CNTNAP5: variants seen among roughly 807,000 people sequenced by gnomAD.
CNTNAP5 encodes contactin associated protein family member 5, also known as contactin-associated protein-like 5.
In CNTNAP5, 72 loss-of-function variants were observed where a neutral mutation model predicts 150.2. That is an observed-to-expected ratio of 0.48 (90% confidence interval 0.40 to 0.58). The LOEUF (loss-of-function observed/expected upper bound fraction) is 0.58, where lower values mean the gene tolerates loss of function less well. Among genes scored for constraint, CNTNAP5 ranks in the 20% least tolerant of loss-of-function variants. CNTNAP5 has a pLI of 0.00. For synonymous variants in CNTNAP5, 672 were observed against 619.8 expected, an observed-to-expected ratio of 1.08 and a Z score of -1.25; for missense variants, 1,636 against 1,626.2, an observed-to-expected ratio of 1.01 and a Z score of -0.10.
chr2:124,792,003 G>C, intron 18 of CNTNAP5, among the ~76,000 whole-genome samples: 1 of 152,036 alleles, frequency 6.6e-6, no homozygotes, highest in Non-Finnish European at 1.5e-5. Flanking sequence ...ACTGCCTCTG[G>C]GGAATGTGGC....
chr2:124,769,906 C>T (rs757949920), intron 16 of CNTNAP5, among the ~76,000 whole-genome samples: 5 of 152,062 alleles, frequency 3.3e-5, no homozygotes, highest in Admixed American at 6.6e-5. Flanking sequence ...TGTAGCAAGT[C>T]TTAGTGAGTC....
chr2:124,266,423 C>CT (rs1414689773), intron 3 of CNTNAP5, among the ~76,000 whole-genome samples: 1 of 152,108 alleles, frequency 6.6e-6, no homozygotes, highest in African/African-American at 2.4e-5. Context: ...CGATTTGACT[C>CT]TACTTGTCTC....
intron 11 of CNTNAP5, among the ~76,000 whole-genome samples, chr2:124,565,897 C>T (rs1300718172): frequency 2.0e-5 from 3 of 151,746 alleles, no homozygotes; most frequent in African/African-American, 7.3e-5. Context: ...CCACGCCCGG[C>T]CTTTACCTAG....
intron 19 of CNTNAP5, among the ~76,000 whole-genome samples, chr2:124,805,539 T>A (rs1682063977): frequency 6.6e-6 from 1 of 151,994 alleles, no homozygotes. Flanking sequence ...ATAGAGACAA[T>A]AGCAGCTTCT....
At chr2:124,064,635 T>C (rs938573696) in intron 1 of CNTNAP5, among the ~76,000 whole-genome samples, 4 of 152,166 alleles carry the variant, frequency 2.6e-5, no homozygotes, top group African/African-American at 9.6e-5. Flanking sequence ...CTCATTGCTT[T>C]TTGATAAAGT....
In CNTNAP5 at chr2:124,815,080, C is replaced by A. The variant is rs1165055308; in HGVS notation, c.3217+16760C>A. On this transcript the variant is annotated intron_variant, in intron 19 of 23. Transcript: ENST00000682447. Reference sequence around the variant, plus strand: ...TCAAAGAAACAGCACACTTAATTCCCCTCTGACGTTCCTGATTTCCAGCTC... The same window carrying A: ...TCAAAGAAACAGCACACTTAATTCCACTCTGACGTTCCTGATTTCCAGCTC... Among the ~76,000 whole-genome samples, 4 of 152,254 alleles carry A rather than the reference C, an allele frequency of 2.6e-5. No homozygotes were observed. In the East Asian group the frequency reaches 7.7e-4, roughly 29 times the overall value.
chr2:124,901,377 T>C (rs1168700979), intron 21 of CNTNAP5, among the ~76,000 whole-genome samples: 1 of 147,766 alleles, frequency 6.8e-6, no homozygotes, highest in East Asian at 1.9e-4. Context: ...GAATTCAGTG[T>C]AATCAAAAAG....
intron 12 of CNTNAP5, among the ~76,000 whole-genome samples, chr2:124,638,887 T>A (rs1678028720): frequency 6.6e-6 from 1 of 152,236 alleles, no homozygotes; most frequent in African/African-American, 2.4e-5. Context: ...TGTACTTTAC[T>A]GTGTCAGTTA....
intron 13 of CNTNAP5, among the ~76,000 whole-genome samples, chr2:124,719,355 T>C (rs1184769594): frequency 1.3e-5 from 2 of 152,190 alleles, no homozygotes; most frequent in Non-Finnish European, 2.9e-5. Context: ...ATTCTGTGGC[T>C]GACATACTGT....
intron 14 of CNTNAP5, among the ~76,000 whole-genome samples, chr2:124,749,619 T>C (rs1490385799): frequency 2.0e-5 from 3 of 152,120 alleles, no homozygotes; most frequent in Non-Finnish European, 2.9e-5. Context: ...TTTCTCCATA[T>C]TGGTCAGGCT....
At chr2:124,131,755 G>A (rs1683854321) in intron 1 of CNTNAP5, among the ~76,000 whole-genome samples, 1 of 152,164 alleles carries the variant, frequency 6.6e-6, no homozygotes, top group Non-Finnish European at 1.5e-5. Context: ...AAGCCCCACA[G>A]GCATGTTATA....
intron 1 of CNTNAP5, among the ~76,000 whole-genome samples, chr2:124,143,875 T>G (rs1684180282): frequency 1.1e-5 from 1 of 88,258 alleles, no homozygotes; most frequent in South Asian, 5.9e-4. Context: ...GATGACATGA[T>G]TGTTTATCTA....
rs540028735 is a variant in CNTNAP5, at chr2:124,034,233, C to T, written c.82+8501C>T. ...TTGCAAAGTCTGTAAGTATGAGTGG[C>T]TCTGCATAAAATACATATAATGTGG... On this transcript the variant is annotated intron_variant, in intron 1 of 23. Coordinates refer to ENST00000682447, the MANE Select transcript of CNTNAP5 (RefSeq NM_001367498.1). Among the ~76,000 whole-genome samples the T allele has an allele frequency of 2.0e-3, 297 of 152,274 alleles. 4 individuals carry two copies. Among genetic ancestry groups the T allele is most frequent in the African/African-American group, 6.6e-3 (276 of 41,542 alleles).
intron 13 of CNTNAP5, among the ~76,000 whole-genome samples, chr2:124,704,281 G>C (rs536435370): frequency 6.6e-6 from 1 of 152,298 alleles, no homozygotes; most frequent in South Asian, 2.1e-4. Context: ...CCGCAGAGGG[G>C]CTTTGCCATC....
chr2:124,810,203 CA>C (rs1443236571), intron 19 of CNTNAP5, among the ~76,000 whole-genome samples: 1 of 152,166 alleles, frequency 6.6e-6, no homozygotes, highest in Non-Finnish European at 1.5e-5. Context: ...ACGCAACACA[CA>C]TTTATCACCT....
At chr2:124,091,016 C>T (rs1238451892) in intron 1 of CNTNAP5, among the ~76,000 whole-genome samples, 1 of 152,092 alleles carries the variant, frequency 6.6e-6, no homozygotes, top group Non-Finnish European at 1.5e-5. Context: ...AGAAATCCAC[C>T]TGGGGGAAGT....
At chr2:124,466,786 G>A (rs1022860363) in intron 6 of CNTNAP5, among the ~76,000 whole-genome samples, 1 of 152,104 alleles carries the variant, frequency 6.6e-6, no homozygotes, top group Admixed American at 6.6e-5. Context: ...ATATACTGAA[G>A]GCCCTGGGCC....
At chr2:124,079,085 C>A (rs1481329579) in intron 1 of CNTNAP5, among the ~76,000 whole-genome samples, 1 of 152,128 alleles carries the variant, frequency 6.6e-6, no homozygotes, top group African/African-American at 2.4e-5. Context: ...CAGGGTGAGT[C>A]TGGGCTTAAG....
rs1001302053 is a variant in CNTNAP5, at chr2:124,361,036, C to A, written c.382-56407C>A. The stretch of plus-strand genomic sequence containing the variant: ...TTTATTCTTTTTTCTCTAAACTTCC[C>A]TTCTCGCTTCATTTCATTCGTTTCA... On this transcript the variant is annotated intron_variant, in intron 3 of 23. Coordinates refer to ENST00000682447, the MANE Select transcript of CNTNAP5 (RefSeq NM_001367498.1). Among the ~76,000 whole-genome samples the A allele has an allele frequency of 7.2e-5, 9 of 125,782 alleles. No homozygotes were observed. In the Admixed American group the frequency reaches 7.2e-4, roughly 10 times the overall value. The allele number at this position is 125,782 out of a possible 152,430, so 82.5% of individuals were successfully genotyped here. A position where few individuals can be genotyped will look rare whatever the true frequency, so the allele number is the denominator to read the frequency against.
Sources: gnomAD v4.1 joint callset for allele counts (sites outside exome capture counted in the v4.1 genomes callset) on GRCh38, gnomAD v4.1.1 for gene constraint, MANE v1.5 for transcripts, NCBI Gene and HGNC (gene_info 2026-07-23, HGNC 2026-07-21) for gene names.